FOXP4: variants seen among roughly 807,000 people sequenced by gnomAD.
FOXP4 encodes forkhead box protein P4.
FOXP4 carries 25 observed loss-of-function variants against 82.6 expected under a neutral mutation model. That is an observed-to-expected ratio of 0.30 (90% confidence interval 0.22 to 0.42). The LOEUF (loss-of-function observed/expected upper bound fraction) is 0.42. FOXP4 is among the 10% of genes least tolerant of loss of function. FOXP4 has a pLI of 1.00. For missense variants in FOXP4, 785 were observed against 900.9 expected (o/e 0.87, Z 1.65); for synonymous variants, 415 against 388.2 (o/e 1.07, Z -0.81).
intron 3 of FOXP4, among the ~76,000 whole-genome samples, chr6:41,579,296 G>T (rs141486819): frequency 6.6e-6 from 1 of 152,204 alleles, no homozygotes; most frequent in East Asian, 1.9e-4. Context: ...ATAAAGAGAG[G>T]AAGAGAAAGA....
intron 1 of FOXP4, among the ~76,000 whole-genome samples, chr6:41,560,484 C>T (rs1764506619): frequency 6.6e-6 from 1 of 152,254 alleles, no homozygotes; most frequent in East Asian, 1.9e-4. Flanking sequence ...TCGTTCCCCA[C>T]CCGTGTCTCC....
At chr6:41,548,824 CTTTTTTT>C (rs11326650) in intron 1 of FOXP4, among the ~76,000 whole-genome samples, 1 of 106,100 alleles carries the variant, frequency 9.4e-6, no homozygotes, top group Non-Finnish European at 2.0e-5. Context: ...GTCTGAAGGC[CTTTTTTT>C]TTTTTTTTTT....
At position 41,593,292 on chromosome 6, in the gene FOXP4, C is replaced by G. The variant is rs1341274043; in HGVS notation, c.1537-1578C>G. Among the ~76,000 whole-genome samples the G allele has an allele frequency of 1.3e-5, 2 of 152,168 alleles. No homozygotes were observed. Among genetic ancestry groups the G allele is most frequent in the African/African-American group, 4.8e-5 (2 of 41,454 alleles). On this transcript the variant is annotated intron_variant, in intron 13 of 16. Transcript: ENST00000307972. The surrounding 1 kb of genome is among the most constrained non-coding windows in gnomAD (Gnocchi z 4.1). The stretch of plus-strand genomic sequence containing the variant: ...GCTCCCACCCTGAGATACTTTCCAC[C>G]TCAGACCAGGGCAGAAGGGTTGGGA...
intron 1 of FOXP4, among the ~76,000 whole-genome samples, chr6:41,556,197 A>G (rs1764266064): frequency 6.6e-6 from 1 of 152,142 alleles, no homozygotes; most frequent in Non-Finnish European, 1.5e-5. Context: ...CTTAGCAGTC[A>G]GGTAACCTTG....
chr6:41,546,825 G>A lies in FOXP4; in HGVS notation c.-59G>A, dbSNP rs1403930752. 6.7e-6 allele frequency: 1 copy of A among 149,070 alleles called. No homozygotes were observed. The highest frequency in any genetic ancestry group is 2.0e-4 in the East Asian group (1 of 5,100). 9.2% of individuals were successfully genotyped at this position (149,070 alleles called of 1,614,324 possible). ...CGGAGCGAGCCCCATGCCCCGCGCG[G>A]GCTGACGGGCCGGAGCCCGCACGGA... On this transcript the variant is annotated 5_prime_UTR_variant, in exon 1 of 17. Coordinates refer to ENST00000307972, the MANE Select transcript of FOXP4 (RefSeq NM_001012426.2).
intron 1 of FOXP4, among the ~76,000 whole-genome samples, chr6:41,557,821 CTTACTT>C (rs1387848379): frequency 1.3e-5 from 2 of 151,730 alleles, no homozygotes; most frequent in South Asian, 2.1e-4. Flanking sequence ...CAGGATGTCT[CTTACTT>C]TTAGGATTCA....
intron 14 of FOXP4, 33 bp from the exon 15 acceptor site, chr6:41,597,143 A>G: frequency 6.2e-7 from 1 of 1,608,994 alleles, no homozygotes; most frequent in Non-Finnish European, 8.5e-7. Context: ...TAAGTGAATG[A>G]GTGAGCCAAA....
intron 8 of FOXP4, 79 bp from the exon 9 acceptor site, chr6:41,588,565 G>C (rs1766302091): frequency 2.2e-6 from 3 of 1,381,746 alleles, no homozygotes; most frequent in Non-Finnish European, 3.1e-6. Flanking sequence ...CCATGGGTGG[G>C]ATTAGAGGAT....
At chr6:41,589,907 G>A in intron 10 of FOXP4, 53 bp downstream of exon 10, 1 of 1,610,174 alleles carries the variant, frequency 6.2e-7, no homozygotes, top group Non-Finnish European at 8.5e-7. Flanking sequence ...AGACCCTGGA[G>A]CCTCGGGACC....
chr6:41,560,796 C>A (rs921387287), intron 1 of FOXP4, among the ~76,000 whole-genome samples: 4 of 152,254 alleles, frequency 2.6e-5, no homozygotes, highest in African/African-American at 9.6e-5. Flanking sequence ...AATGTTACGG[C>A]TCAGATTAAG....
At chr6:41,576,090 T>C (rs1765470329) in intron 2 of FOXP4, among the ~76,000 whole-genome samples, 2 of 151,370 alleles carry the variant, frequency 1.3e-5, no homozygotes, top group African/African-American at 4.8e-5. Flanking sequence ...CAGAGCCTTT[T>C]GACTTAGAAA....
At chr6:41,575,806 TCCCCACCCCAACCA>T in intron 2 of FOXP4, among the ~76,000 whole-genome samples, 4 of 146,176 alleles carry the variant, frequency 2.7e-5, no homozygotes, top group Non-Finnish European at 6.0e-5. Context: ...GTGTGTCATC[TCCCCACCCCAACCA>T]GTGTCCCTTT....
At chr6:41,560,873 A>C (rs1764536147) in intron 1 of FOXP4, among the ~76,000 whole-genome samples, 1 of 152,254 alleles carries the variant, frequency 6.6e-6, no homozygotes, top group Non-Finnish European at 1.5e-5. Context: ...GAAAAGGCAC[A>C]AAAGGTTTCT....
chr6:41,560,737 G>A (rs776090519), intron 1 of FOXP4, among the ~76,000 whole-genome samples: 29 of 152,272 alleles, frequency 1.9e-4, no homozygotes, highest in Non-Finnish European at 3.5e-4. Flanking sequence ...TTGATGAGTT[G>A]GCAGGGCGGG....
At position 41,563,058 on chromosome 6, in the gene FOXP4, T is replaced by C. The variant is rs183532544; in HGVS notation, c.-16-2687T>C. 3.7e-4 allele frequency among the ~76,000 whole-genome samples: 57 copies of C among 152,256 alleles called. No individual in the cohort carries two copies. The East Asian group carries it at 0.011, about 29-fold the overall frequency. ...CATCCTGCCCTTACTCCAGCCCAGC[T>C]CCTCTCAGAACTTAGGAGTGGAGCA... On this transcript the variant is annotated intron_variant, in intron 1 of 16. Transcript: ENST00000307972.
At chr6:41,580,305 A>G (rs1204040644) in intron 3 of FOXP4, among the ~76,000 whole-genome samples, 1 of 151,944 alleles carries the variant, frequency 6.6e-6, no homozygotes, top group Non-Finnish European at 1.5e-5. Context: ...CAAACCCCCA[A>G]CCTCAGGTGA....
chr6:41,598,660 T>G (rs1459720241), intron 16 of FOXP4, 129 bp from the exon 17 acceptor site: 1 of 1,358,172 alleles, frequency 7.4e-7, no homozygotes, highest in African/African-American at 1.5e-5. Context: ...CCCTCAGGTC[T>G]GATGGGATCC....
chr6:41,555,552 A>G (rs527334865), intron 1 of FOXP4, among the ~76,000 whole-genome samples: 86 of 152,310 alleles, frequency 5.6e-4, no homozygotes, highest in Middle Eastern at 3.4e-3. Context: ...GCCCAAAGGA[A>G]ACCCTGGTGC....
intron 1 of FOXP4, 99 bp from the exon 2 acceptor site, chr6:41,565,646 C>G: frequency 1.8e-6 from 2 of 1,103,746 alleles, no homozygotes; most frequent in East Asian, 2.4e-5. Context: ...AGATGCCCAG[C>G]TACTCCTGTG....
Sources: allele counts gnomAD v4.1 joint callset (sites outside exome capture counted in the v4.1 genomes callset), GRCh38; gene constraint gnomAD v4.1.1; non-coding constraint Gnocchi (gnomAD v3.1); transcripts MANE v1.5; gene names NCBI Gene and HGNC (gene_info 2026-07-23, HGNC 2026-07-21).